WDFY4: variants seen among roughly 807,000 people sequenced by gnomAD.
The protein encoded by WDFY4 is WD repeat- and FYVE domain-containing protein 4.
In WDFY4, 169 loss-of-function variants were observed where a neutral mutation model predicts 351.9. The observed-to-expected ratio is 0.48, with a 90% confidence interval of 0.42 to 0.55. The LOEUF (loss-of-function observed/expected upper bound fraction) is 0.55. Ranked by LOEUF, WDFY4 falls within the 20% of genes least tolerant of loss-of-function variation. The pLI is 0.00. For missense variants in WDFY4, 3,803 were observed against 3,935.6 expected, an observed-to-expected ratio of 0.97 and a Z score of 0.90; for synonymous variants, 1,622 against 1,574.6, an observed-to-expected ratio of 1.03 and a Z score of -0.71.
chr10:48,728,391 A>C (rs2064340216), intron 7 of WDFY4, among the ~76,000 whole-genome samples: 2 of 152,234 alleles, frequency 1.3e-5, no homozygotes, highest in Admixed American at 1.3e-4. Context: ...GATGGAAATC[A>C]AAGAAATGCC....
chr10:48,806,214 C>G, intron 27 of WDFY4, 119 bp downstream of exon 27: 1 of 992,322 alleles, frequency 1.0e-6, no homozygotes, highest in South Asian at 1.4e-5. Flanking sequence ...ACAGCCAAGC[C>G]GTGGTTTCCA....
intron 43 of WDFY4, among the ~76,000 whole-genome samples, chr10:48,880,049 G>A (rs2070183900): frequency 6.6e-6 from 1 of 152,162 alleles, no homozygotes; most frequent in Non-Finnish European, 1.5e-5. Context: ...GTGTTGGATG[G>A]GACAGCCTCC....
intron 31 of WDFY4, among the ~76,000 whole-genome samples, chr10:48,814,804 C>T (rs1052011849): frequency 5.3e-5 from 8 of 152,218 alleles, no homozygotes; most frequent in African/African-American, 1.9e-4. Context: ...GACACACACC[C>T]ACCCAAAAAT....
chr10:48,778,506 C>G, intron 17 of WDFY4, 105 bp from the exon 18 acceptor site: 1 of 1,140,482 alleles, frequency 8.8e-7, no homozygotes, highest in Non-Finnish European at 1.2e-6. Flanking sequence ...GGCAAGACAC[C>G]CAGTAGGTGC....
intron 13 of WDFY4, among the ~76,000 whole-genome samples, chr10:48,767,899 C>T (rs2065723689): frequency 6.6e-6 from 1 of 152,128 alleles, no homozygotes; most frequent in African/African-American, 2.4e-5. Context: ...CAGACATGTC[C>T]ACTTCCAGGA....
Position 48,814,094 on chromosome 10 carries a change from TC to T in WDFY4, c.5340+16del. 6.5e-7 allele frequency: 1 copy of T among 1,535,766 alleles called. No homozygotes were observed. The highest frequency in any genetic ancestry group is 2.0e-5 in the Admixed American group (1 of 49,012). On this transcript the variant is annotated intron_variant, in intron 31 of 61. Transcript: ENST00000325239. ...CCACCATGAGCCAGGTGAGACCCAT[TC>T]CCCACATGCTGCCCCGAGGAGGTTC...
intron 47 of WDFY4, 150 bp downstream of exon 47, chr10:48,902,013 T>C: frequency 1.4e-6 from 1 of 735,772 alleles, no homozygotes; most frequent in East Asian, 2.7e-5. Context: ...ACATCCTTCA[T>C]CCTACTCCTG....
chr10:48,827,014 T>A (rs2068031511), intron 36 of WDFY4, 105 bp downstream of exon 36: 2 of 933,742 alleles, frequency 2.1e-6, no homozygotes, highest in Middle Eastern at 2.4e-4. Context: ...AATGATATCA[T>A]CCTTTTGTTT....
intron 53 of WDFY4, among the ~76,000 whole-genome samples, chr10:48,961,320 T>C (rs1176368868): frequency 6.6e-6 from 1 of 152,174 alleles, no homozygotes; most frequent in African/African-American, 2.4e-5. Flanking sequence ...CATGATTCAA[T>C]TGACCAGAGT....
In WDFY4 at chr10:48,817,335, C is replaced by A. The variant is rs1394189237; in HGVS notation, c.5431C>A (p.Gln1811Lys). 6.4e-7 allele frequency: 1 copy of A among 1,551,682 alleles called. No individual in the cohort carries two copies. The highest frequency in any genetic ancestry group is 8.7e-7 in the Non-Finnish European group (1 of 1,146,954). ...CAGCCTCGTCCACCGCACCTACCCC[C>A]AGGACCCAGCGTGGCGAGCCCCGGA... Reference protein sequence around the residue: ...FLSLVHRTYPQDPAWRAPEFL... With the variant: ...FLSLVHRTYPKDPAWRAPEFL... The change falls in exon 32 of 62, where the codon CAG (glutamine) becomes AAG (lysine). Residue 1811 changes from glutamine (Q) to lysine (K), a missense_variant. This residue lies in a region of WDFY4 where 3,054 missense variants were observed against 3,148.6 expected (regional missense o/e 0.97). Coordinates refer to ENST00000325239, the MANE Select transcript of WDFY4 (RefSeq NM_001394531.1).
chr10:48,874,985 G>A (rs1176755122), intron 41 of WDFY4, 104 bp from the exon 42 acceptor site: 1 of 536,064 alleles, frequency 1.9e-6, no homozygotes, highest in African/African-American at 2.0e-5. Context: ...AATTTGAAGG[G>A]GTCACATGCA....
chr10:48,876,482 G>C (rs1341374384), intron 42 of WDFY4, among the ~76,000 whole-genome samples: 1 of 152,180 alleles, frequency 6.6e-6, no homozygotes, highest in Non-Finnish European at 1.5e-5. Flanking sequence ...ATTTTAAAAT[G>C]TCATCAGAAG....
intron 2 of WDFY4, among the ~76,000 whole-genome samples, chr10:48,713,159 C>G (rs2063811125): frequency 6.6e-6 from 1 of 152,202 alleles, no homozygotes; most frequent in African/African-American, 2.4e-5. Context: ...CGGTCAGACT[C>G]TGCATGGAAG....
chr10:48,900,134 A>T, intron 45 of WDFY4, 87 bp from the exon 46 acceptor site: 2 of 1,199,400 alleles, frequency 1.7e-6, no homozygotes, highest in Non-Finnish European at 2.4e-6. Context: ...GGAGACCCGC[A>T]ATGACCCATT....
At chr10:48,801,484 A>G in intron 24 of WDFY4, 1 of 456,636 alleles carries the variant, frequency 2.2e-6, no homozygotes, top group Non-Finnish European at 4.4e-6. Context: ...CTAAGTGTGC[A>G]GGGCTCTTGG....
At chr10:48,841,873 C>G (rs1306803960) in intron 39 of WDFY4, among the ~76,000 whole-genome samples, 1 of 152,208 alleles carries the variant, frequency 6.6e-6, no homozygotes, top group Admixed American at 6.5e-5. Context: ...ATGTTCAAGT[C>G]TCCATAGCTT....
chr10:48,897,308 C>T (rs1837130869), intron 44 of WDFY4, 146 bp from the exon 45 acceptor site: 2 of 1,145,160 alleles, frequency 1.7e-6, no homozygotes, highest in Non-Finnish European at 2.4e-6. Flanking sequence ...AGGGCTAGCA[C>T]ACTGGTTGGC....
At chr10:48,753,212 T>C (rs543303799) in intron 12 of WDFY4, among the ~76,000 whole-genome samples, 1 of 152,268 alleles carries the variant, frequency 6.6e-6, no homozygotes, top group South Asian at 2.1e-4. Flanking sequence ...TTTAATTGGG[T>C]TGTTTCTCTT....
At chr10:48,961,262 G>A (rs1291877892) in intron 53 of WDFY4, among the ~76,000 whole-genome samples, 1 of 152,240 alleles carries the variant, frequency 6.6e-6, no homozygotes, top group Admixed American at 6.5e-5. Flanking sequence ...AGAGATGAAT[G>A]TAACTGCAGG....
Sources: gnomAD v4.1 joint callset for allele counts (sites outside exome capture counted in the v4.1 genomes callset) on GRCh38, gnomAD v4.1.1 for gene constraint, gnomAD v4.1.1 regional missense constraint, MANE v1.5 for transcripts, NCBI Gene and HGNC (gene_info 2026-07-23, HGNC 2026-07-21) for gene names.